The following HMGXB3 variants were observed in gnomAD, a reference collection of about 807,000 sequenced individuals.
HMGXB3 encodes the protein HMG domain-containing protein 3.
A neutral mutation model predicts 121.5 loss-of-function variants in HMGXB3; 45 were observed. The observed-to-expected ratio is 0.37, with a 90% CI of 0.29 to 0.47. The LOEUF is 0.47. HMGXB3 is among the 20% of genes least tolerant of loss of function. The pLI is 0.99. For synonymous variants in HMGXB3, 590 were observed against 624.1 expected (o/e 0.95, Z 0.81); for missense variants, 1,376 against 1,602.2 (o/e 0.86, Z 2.41).
chr5:150,011,602 TG>T lies in HMGXB3; in HGVS notation c.811-651del, dbSNP rs368380220. 8.2e-5 allele frequency among the ~76,000 whole-genome samples: 11 copies of T among 133,594 alleles called. 1 individual carries two copies. The highest frequency in any genetic ancestry group is 4.2e-4 in the African/African-American group (11 of 25,946). The allele number at this position is 133,594 out of a possible 152,430, so 87.6% of individuals were successfully genotyped here. ...GTTGTTGTTGTTGGTTGTTTTTTTT[TG>T]GTTTTTTTTTTTTTTTTTGAGACGG... On this transcript the variant is annotated intron_variant, in intron 4 of 19. Transcript: ENST00000502717.
At chr5:150,045,063 G>A (rs528809258) in intron 15 of HMGXB3, among the ~76,000 whole-genome samples, 3 of 152,204 alleles carry the variant, frequency 2.0e-5, no homozygotes, top group African/African-American at 7.2e-5. Context: ...CTGTGTTGAC[G>A]TGATTGTTCT....
chr5:150,045,436 A>C, intron 15 of HMGXB3, 30 bp from the exon 16 acceptor site: 1 of 1,514,540 alleles, frequency 6.6e-7, no homozygotes, highest in Non-Finnish European at 9.0e-7. Flanking sequence ...TGACTCCCAC[A>C]GTTTGACCTT....
At chr5:150,032,278 A>G (rs981517723) in intron 10 of HMGXB3, among the ~76,000 whole-genome samples, 176 bp from the exon 11 acceptor site, 1 of 152,248 alleles carries the variant, frequency 6.6e-6, no homozygotes, top group African/African-American at 2.4e-5. Context: ...TACAGCCTGT[A>G]TTAAAAGTAA....
Position 150,047,795 on chromosome 5 carries a change from G to A in HMGXB3, c.3084+38G>A. Reference sequence around the variant, plus strand: ...GGCAGTGGTGGATATCGGGGCTTCTGGAGTAGGCTGATTGGTCCACTTTTT... The same window carrying A: ...GGCAGTGGTGGATATCGGGGCTTCTAGAGTAGGCTGATTGGTCCACTTTTT... On this transcript the variant is annotated intron_variant, in intron 17 of 19. Transcript: ENST00000502717. 3 of 1,550,232 alleles carry A rather than the reference G, an allele frequency of 1.9e-6. No individual in the cohort carries two copies. The South Asian group carries it at 3.6e-5, about 18-fold the overall frequency.
chr5:150,022,144 C>T (rs1335312608), intron 6 of HMGXB3, among the ~76,000 whole-genome samples: 1 of 152,168 alleles, frequency 6.6e-6, no homozygotes, highest in Non-Finnish European at 1.5e-5. Context: ...ATGTGTGACT[C>T]AAGACAGTTC....
intron 6 of HMGXB3, among the ~76,000 whole-genome samples, chr5:150,023,363 G>T (rs1001484568): frequency 6.6e-6 from 1 of 152,046 alleles, no homozygotes; most frequent in Non-Finnish European, 1.5e-5. Context: ...ATTTCATAAG[G>T]GGAAATGAGG....
At chr5:150,022,546 T>C (rs1302783032) in intron 6 of HMGXB3, among the ~76,000 whole-genome samples, 1 of 152,206 alleles carries the variant, frequency 6.6e-6, no homozygotes, top group Non-Finnish European at 1.5e-5. Context: ...AGAGTTGTTT[T>C]GCTCAGATTG....
At position 150,051,786 on chromosome 5, in the gene HMGXB3, A is replaced by T. The variant is rs968414949; in HGVS notation, c.3473A>T (p.His1158Leu). 6.5e-7 allele frequency: 1 copy of T among 1,545,434 alleles called. No homozygotes were observed. The highest frequency in any genetic ancestry group is 8.7e-7 in the Non-Finnish European group (1 of 1,147,020). ...ACTGTGGACATGACAGAAACTGAGC[A>T]CTCTATCCAGCACCCAGTCACCAAG... Reference protein sequence around the residue: ...HYTVDMTETEHSIQHPVTKTA... With the variant: ...HYTVDMTETELSIQHPVTKTA... Residue 1158 changes from histidine (H) to leucine (L), a missense_variant, in exon 20 of 20, where the codon CAC becomes CTC. Around this residue, in one of 2 missense-constraint regions of HMGXB3, gnomAD observed 260 missense variants for 233.2 expected, o/e 1.11. Transcript: ENST00000502717.
intron 12 of HMGXB3, 107 bp from the exon 13 acceptor site, chr5:150,037,293 C>T (rs1026314157): frequency 7.0e-6 from 8 of 1,139,184 alleles, no homozygotes; most frequent in Non-Finnish European, 9.6e-6. Flanking sequence ...CCTAGAAAAT[C>T]CTAAGCTCCA....
rs774255291 is a variant in HMGXB3 at position 150,010,466 on chromosome 5, T to A, written c.668T>A (p.Val223Glu). The A allele has an allele frequency of 6.4e-7, 1 of 1,551,340 alleles. No homozygotes were observed. The highest frequency in any genetic ancestry group is 2.4e-5 in the East Asian group (1 of 40,922). The part of the protein sequence containing the change: ...DVLLEDASLE[V>E]GESHQPYQTS... ...CTCCTAGAGGACGCTTCCCTAGAAG[T>A]AGGGGAGAGCCACCAACCTTACCAG... Residue 223 changes from valine to glutamate, a missense_variant, in exon 4 of 20, where the codon GTA becomes GAA. By Grantham distance (121) the Val-to-Glu change is moderately radical. Around this residue, in one of 2 missense-constraint regions of HMGXB3, gnomAD observed 1,116 missense variants for 1,369.0 expected, o/e 0.82. Transcript: ENST00000502717.
chr5:150,003,600 A>G (rs552355184), intron 1 of HMGXB3, among the ~76,000 whole-genome samples: 2 of 149,774 alleles, frequency 1.3e-5, no homozygotes, highest in East Asian at 3.9e-4. Flanking sequence ...TTTAAATTAT[A>G]TAAAATTAAA....
intron 19 of HMGXB3, among the ~76,000 whole-genome samples, chr5:150,050,760 C>T (rs1756870896): frequency 2.0e-5 from 3 of 152,206 alleles, no homozygotes; most frequent in African/African-American, 7.2e-5. Context: ...GGATTACAGG[C>T]ATGAGCCACC....
At chr5:150,007,322 GT>G (rs1178648275) in intron 3 of HMGXB3, among the ~76,000 whole-genome samples, 2 of 152,086 alleles carry the variant, frequency 1.3e-5, no homozygotes, top group African/African-American at 2.4e-5. Context: ...CTGGGTTTTT[GT>G]TTTTTTGAGA....
rs545395550 is a variant in HMGXB3 at position 150,012,912 on chromosome 5, G to A, written c.909+559G>A. ...TCTGATTGCCTACAACTAGTATATC[G>A]TAATACAATTGATTGCTTTGTATAT... On this transcript the variant is annotated intron_variant, in intron 5 of 19. Coordinates refer to ENST00000502717, the MANE Select transcript of HMGXB3 (RefSeq NM_014983.3). Among the ~76,000 whole-genome samples the A allele has an allele frequency of 7.9e-5, 12 of 152,186 alleles. No individual in the cohort carries two copies. In the South Asian group the frequency reaches 8.3e-4, roughly 11 times the overall value.
Position 150,005,610 on chromosome 5 carries a change from A to AAAG in HMGXB3, c.137+623_137+624insGAA, listed in dbSNP as rs1554097196. On this transcript the variant is annotated intron_variant, in intron 2 of 19. Transcript: ENST00000502717. ...ACGAAACTCCTCTCAAAAAAAAAAA[A>AAAG]AAAAGAAAAGAAAAAGAAAAAAAAC... Among the ~76,000 whole-genome samples, 55 of 151,912 alleles carry AAAG rather than the reference A, an allele frequency of 3.6e-4. 1 individual carries two copies. The highest frequency in any genetic ancestry group is 1.8e-3 in the Admixed American group (28 of 15,262).
At chr5:150,047,291 TG>T (rs913704059) in intron 16 of HMGXB3, among the ~76,000 whole-genome samples, 5 of 152,162 alleles carry the variant, frequency 3.3e-5, no homozygotes, top group African/African-American at 1.2e-4. Flanking sequence ...CGAGAGCTGC[TG>T]TTCTTTTCTT....
chr5:150,006,700 C>T (rs1172745288), intron 3 of HMGXB3, 53 bp downstream of exon 3: 1 of 1,448,980 alleles, frequency 6.9e-7, no homozygotes, highest in Non-Finnish European at 9.4e-7. Flanking sequence ...TGATGAAGGC[C>T]TTGGGAAAAC....
chr5:150,046,933 T>A (rs1756770509), intron 16 of HMGXB3, among the ~76,000 whole-genome samples: 2 of 150,894 alleles, frequency 1.3e-5, no homozygotes, highest in Non-Finnish European at 3.0e-5. Context: ...TTGCCCAGGC[T>A]GGAGTGCAGT....
chr5:150,048,476 G>C, intron 17 of HMGXB3, 93 bp from the exon 18 acceptor site: 1 of 870,008 alleles, frequency 1.1e-6, no homozygotes. Context: ...TTATTCTTTT[G>C]CTTTGGGTGT....
Sources: allele counts gnomAD v4.1 joint callset (sites outside exome capture counted in the v4.1 genomes callset), GRCh38; gene constraint gnomAD v4.1.1; regional missense constraint gnomAD v4.1.1; transcripts MANE v1.5; gene names NCBI Gene and HGNC (gene_info 2026-07-23, HGNC 2026-07-21).